CD86: variants seen among roughly 807,000 people sequenced by gnomAD.
CD86 encodes T-lymphocyte activation antigen CD86.
In CD86, 11 loss-of-function variants were observed where a neutral mutation model predicts 32.1. That is an observed-to-expected ratio of 0.34 (90% CI 0.22 to 0.57). The LOEUF (loss-of-function observed/expected upper bound fraction) is 0.57, where lower values mean the gene tolerates loss of function less well. CD86 is among the 20% of genes least tolerant of loss of function. The pLI, the probability that CD86 is intolerant of heterozygous loss-of-function variation, is 0.86. For missense variants in CD86, 359 were observed against 398.4 expected, an observed-to-expected ratio of 0.90 and a Z score of 0.84; for synonymous variants, 137 against 135.3, an observed-to-expected ratio of 1.01 and a Z score of -0.09.
intron 1 of CD86, among the ~76,000 whole-genome samples, chr3:122,074,970 G>T (rs924900548): frequency 6.6e-6 from 1 of 152,072 alleles, no homozygotes; most frequent in African/African-American, 2.4e-5. Flanking sequence ...CCACCATCAC[G>T]GTTGGCCCCA....
chr3:122,111,874 A>G (rs1460512249), intron 5 of CD86, among the ~76,000 whole-genome samples: 1 of 152,176 alleles, frequency 6.6e-6, no homozygotes, highest in Non-Finnish European at 1.5e-5. Flanking sequence ...CTAACTTGGC[A>G]CCAAAAGTCC....
At chr3:122,083,425 G>A (rs2072663093) in intron 1 of CD86, among the ~76,000 whole-genome samples, 1 of 152,004 alleles carries the variant, frequency 6.6e-6, no homozygotes, top group Admixed American at 6.6e-5. Flanking sequence ...CAGCGCCTTT[G>A]CATATGCTGT....
In CD86 at chr3:122,055,520, A is replaced by G. The variant is rs1330274824; in HGVS notation, c.14+17A>G. 1 of 1,613,466 alleles carries G rather than the reference A, an allele frequency of 6.2e-7. No homozygotes were observed. The highest frequency in any genetic ancestry group is 8.5e-7 in the Non-Finnish European group (1 of 1,179,400). On this transcript the variant is annotated intron_variant, in intron 1 of 6. Coordinates refer to ENST00000330540, the MANE Select transcript of CD86 (RefSeq NM_175862.5). ...TCCCCAGTGGTGAGTAATAATTCTT[A>G]TTCTTTGCAGAGAAGTTATGAGTTG...
chr3:122,080,877 A>G (rs1464395204), intron 1 of CD86, among the ~76,000 whole-genome samples: 1 of 152,116 alleles, frequency 6.6e-6, no homozygotes, highest in Non-Finnish European at 1.5e-5. Context: ...AGAAGTGTTC[A>G]TGTTCCATCG....
At chr3:122,098,313 G>A (rs2072941114) in intron 2 of CD86, among the ~76,000 whole-genome samples, 1 of 152,190 alleles carries the variant, frequency 6.6e-6, no homozygotes, top group Non-Finnish European at 1.5e-5. Context: ...CCTACATGAA[G>A]TGAAGGAGAA....
chr3:122,089,972 T>C (rs2072786528), intron 1 of CD86, among the ~76,000 whole-genome samples: 1 of 152,100 alleles, frequency 6.6e-6, no homozygotes, highest in Admixed American at 6.5e-5. Context: ...GAAAACAGAA[T>C]ATGGGTCAAT....
At chr3:122,077,761 A>G (rs951241516) in intron 1 of CD86, 4 of 985,288 alleles carry the variant, frequency 4.1e-6, no homozygotes, top group Non-Finnish European at 4.8e-6. Context: ...CATTCTCATC[A>G]GTGGAAATGC....
chr3:122,066,533 C>T (rs959309754), intron 1 of CD86, among the ~76,000 whole-genome samples: 2 of 152,144 alleles, frequency 1.3e-5, no homozygotes, highest in African/African-American at 4.8e-5. Flanking sequence ...GCTGTGTGAT[C>T]TTTGGCAGCT....
chr3:122,069,158 A>C (rs914680223), intron 1 of CD86, among the ~76,000 whole-genome samples: 1 of 145,522 alleles, frequency 6.9e-6, no homozygotes, highest in Non-Finnish European at 1.5e-5. Flanking sequence ...GGTCTCCTGC[A>C]TTCAACTATG....
chr3:122,108,196 C>A (rs557896749), intron 4 of CD86, among the ~76,000 whole-genome samples: 5 of 152,346 alleles, frequency 3.3e-5, no homozygotes, highest in South Asian at 2.1e-4. Flanking sequence ...AATGTTTCAG[C>A]TCTAGCTGCC....
At chr3:122,116,118 A>C (rs2073246506) in intron 5 of CD86, among the ~76,000 whole-genome samples, 1 of 152,214 alleles carries the variant, frequency 6.6e-6, no homozygotes, top group Admixed American at 6.5e-5. Flanking sequence ...GGACACAGAA[A>C]GCAAAAACCA....
At chr3:122,082,607 A>G (rs115859116) in intron 1 of CD86, among the ~76,000 whole-genome samples, 1 of 152,320 alleles carries the variant, frequency 6.6e-6, no homozygotes, top group African/African-American at 2.4e-5. Flanking sequence ...TAGCCATACC[A>G]CACTAACACT....
chr3:122,070,152 A>C (rs1434493542), intron 1 of CD86, among the ~76,000 whole-genome samples: 1 of 152,206 alleles, frequency 6.6e-6, no homozygotes, highest in Non-Finnish European at 1.5e-5. Context: ...TAGAATCCTG[A>C]AAATACCTCT....
intron 1 of CD86, among the ~76,000 whole-genome samples, chr3:122,067,690 A>G (rs2072434100): frequency 6.6e-6 from 1 of 152,232 alleles, no homozygotes; most frequent in Non-Finnish European, 1.5e-5. Flanking sequence ...AACTGTAGCC[A>G]GCTAGTGCAA....
intron 1 of CD86, among the ~76,000 whole-genome samples, chr3:122,087,241 T>C (rs1301135454): frequency 6.6e-6 from 1 of 152,204 alleles, no homozygotes; most frequent in Non-Finnish European, 1.5e-5. Context: ...ACCTTATTCA[T>C]AGACCTTATT....
intron 1 of CD86, among the ~76,000 whole-genome samples, chr3:122,069,953 T>C (rs983428018): frequency 2.0e-5 from 3 of 152,208 alleles, no homozygotes; most frequent in Admixed American, 2.0e-4. Context: ...GCTATACTTA[T>C]CCCTAGTACA....
intron 1 of CD86, among the ~76,000 whole-genome samples, chr3:122,069,092 G>A (rs1170942141): frequency 6.6e-6 from 1 of 152,094 alleles, no homozygotes; most frequent in Admixed American, 6.5e-5. Flanking sequence ...AACTGAAATT[G>A]TATAATGTTG....
At chr3:122,091,525 A>G in intron 1 of CD86, 76 bp from the exon 2 acceptor site, 3 of 1,155,426 alleles carry the variant, frequency 2.6e-6, no homozygotes, top group Non-Finnish European at 3.9e-6. Flanking sequence ...CTCCACGTCC[A>G]GGTCATGTTT....
intron 1 of CD86, among the ~76,000 whole-genome samples, chr3:122,066,595 T>A (rs1466634896): frequency 6.6e-6 from 1 of 152,172 alleles, no homozygotes. Flanking sequence ...TTTTAAAAAA[T>A]ATTTATTGTG....
Sources: allele counts gnomAD v4.1 joint callset (sites outside exome capture counted in the v4.1 genomes callset), GRCh38; gene constraint gnomAD v4.1.1; transcripts MANE v1.5; gene names NCBI Gene and HGNC (gene_info 2026-07-23, HGNC 2026-07-21).